ECI1: variants seen among roughly 807,000 people sequenced by gnomAD.
ECI1 encodes enoyl-CoA delta isomerase 1, mitochondrial.
A neutral mutation model predicts 34.2 loss-of-function variants in ECI1; 34 were observed. The observed-to-expected ratio is 1.00, with a 90% confidence interval of 0.76 to 1.33. The LOEUF (loss-of-function observed/expected upper bound fraction) is 1.33. Among genes scored for constraint, ECI1 ranks in the 40% most tolerant of loss-of-function variants. ECI1 has a pLI of 0.00. For missense variants in ECI1, 456 were observed against 422.2 expected (o/e 1.08, Z -0.70); for synonymous variants, 211 against 193.0 (o/e 1.09, Z -0.77).
At position 2,251,449 on chromosome 16, in the gene ECI1, G is replaced by T; in HGVS notation, c.53-20C>A. On this transcript the variant is annotated intron_variant, in intron 1 of 6. Coordinates refer to ENST00000301729, the MANE Select transcript of ECI1 (RefSeq NM_001919.4). ...GGGCCCCTGCGAAGGCAGCGTGGGG[G>T]AGCCCGTTAGTTCCCGGTCCTGGCC... 6.7e-7 allele frequency: 1 copy of T among 1,502,814 alleles called. No individual in the cohort carries two copies. The highest frequency in any genetic ancestry group is 8.9e-7 in the Non-Finnish European group (1 of 1,127,624). 93.1% of individuals were successfully genotyped at this position (1,502,814 alleles called of 1,614,324 possible).
At chr16:2,247,879 T>C (rs2093543933) in intron 2 of ECI1, among the ~76,000 whole-genome samples, 2 of 151,752 alleles carry the variant, frequency 1.3e-5, no homozygotes, top group South Asian at 4.2e-4. Context: ...GTTAATCTTT[T>C]TTATTTTTTA....
At chr16:2,248,809 C>A (rs373285600) in intron 2 of ECI1, among the ~76,000 whole-genome samples, 1 of 152,166 alleles carries the variant, frequency 6.6e-6, no homozygotes, top group Non-Finnish European at 1.5e-5. Context: ...GTTCCAGAAC[C>A]TTTTCATTGT....
At chr16:2,245,561 C>T (rs1040286198) in intron 3 of ECI1, among the ~76,000 whole-genome samples, 6 of 152,192 alleles carry the variant, frequency 3.9e-5, no homozygotes, top group African/African-American at 9.7e-5. Flanking sequence ...AAAACGCGTT[C>T]TACTTCCGTT....
rs1308929751 is a variant in ECI1, at chr16:2,243,045, C to T, written c.742+1G>A. ...GGCGCCCGCCATGCCCCGTGCCTCA[C>T]CTGGAATGGCCATCCACTGGGCTAT... On this transcript the variant is annotated splice_donor_variant, in intron 6 of 6. Coordinates refer to ENST00000301729, the MANE Select transcript of ECI1 (RefSeq NM_001919.4). LOFTEE classifies it high-confidence loss of function. The T allele has an allele frequency of 1.2e-6, 2 of 1,601,930 alleles. No individual in the cohort carries two copies. Among genetic ancestry groups the T allele is most frequent in the Non-Finnish European group, 8.5e-7 (1 of 1,179,306 alleles).
chr16:2,243,538 C>A, intron 4 of ECI1, 99 bp from the exon 5 acceptor site: 1 of 1,460,996 alleles, frequency 6.8e-7, no homozygotes, highest in Non-Finnish European at 9.4e-7. Flanking sequence ...CCTTGGCGCA[C>A]CCCGACCCCC....
In ECI1 at chr16:2,246,969, AT is replaced by A; in HGVS notation, c.183del (p.Lys61AsnfsTer7). On this transcript the variant is annotated frameshift_variant, in exon 3 of 7. Transcript: ENST00000301729. LOFTEE classifies it high-confidence loss of function. Reference protein sequence around the residue: ...PDAGAGVAVMKFKNPPVNSLS... With the variant: ...PDAGAGVAVMXFKNPPVNSLS... ...AGGCTGTTCACTGGGGGGTTCTTGA[AT>A]TTCATCACAGCGACCCCTAATTTAA... The A allele has an allele frequency of 6.2e-7, 1 of 1,613,530 alleles. No homozygotes were observed. Among genetic ancestry groups the A allele is most frequent in the Non-Finnish European group, 8.5e-7 (1 of 1,179,990 alleles).
chr16:2,243,262 G>A (rs2093532375), intron 5 of ECI1, 38 bp from the exon 6 acceptor site: 1 of 1,613,034 alleles, frequency 6.2e-7, no homozygotes, highest in Admixed American at 1.7e-5. Context: ...ATGGCCCCAG[G>A]CGGGTCTGTT....
At chr16:2,246,828 G>T (rs1269671202) in intron 3 of ECI1, 31 bp downstream of exon 3, 7 of 1,611,322 alleles carry the variant, frequency 4.3e-6, no homozygotes, top group Admixed American at 1.7e-5. Context: ...CAAGAACTCG[G>T]GCTGGGGTAG....
chr16:2,244,259 C>A (rs1289786623), intron 4 of ECI1, 147 bp downstream of exon 4: 2 of 974,070 alleles, frequency 2.1e-6, no homozygotes, highest in Admixed American at 2.1e-5. Flanking sequence ...CCGTGGTCTG[C>A]GATGGCGCTC....
intron 2 of ECI1, among the ~76,000 whole-genome samples, chr16:2,251,001 G>C (rs1207411156): frequency 1.3e-5 from 2 of 152,040 alleles, no homozygotes; most frequent in African/African-American, 4.8e-5. Flanking sequence ...GTATTTTTCA[G>C]TACAGATAGG....
At chr16:2,245,695 G>A (rs939891179) in intron 3 of ECI1, among the ~76,000 whole-genome samples, 49 of 152,056 alleles carry the variant, frequency 3.2e-4, no homozygotes, top group African/African-American at 9.9e-4. Context: ...GCAAGACCCC[G>A]CCTGTACAAA....
Position 2,244,548 on chromosome 16 carries a change from C to G in ECI1, c.299G>C (p.Arg100Pro), listed in dbSNP as rs145543160. 1 of 1,584,072 alleles carries G rather than the reference C, an allele frequency of 6.3e-7. No individual in the cohort carries two copies. The highest frequency in any genetic ancestry group is 8.6e-7 in the Non-Finnish European group (1 of 1,165,686). Residue 100 changes from arginine to proline, a missense_variant, in exon 4 of 7, where the codon CGC becomes CCC. By Grantham distance (103) the Arg-to-Pro change is moderately radical. Transcript: ENST00000301729. ...CAGGCCGGCCGAGAAGACACCCGGG[C>G]GGTCCTGCAGGGGGAGCCGGGGCCA... ...SFRGVILTSD[R>P]PGVFSAGLDL... is the part of the protein sequence containing the mutation.
chr16:2,239,632 C>A lies in ECI1; in HGVS notation c.*347G>T. 2.7e-6 allele frequency: 1 copy of A among 369,516 alleles called. No individual in the cohort carries two copies. The highest frequency in any genetic ancestry group is 5.2e-6 in the Non-Finnish European group (1 of 190,696). 22.9% of individuals were successfully genotyped at this position (369,516 alleles called of 1,614,324 possible). On this transcript the variant is annotated 3_prime_UTR_variant, in exon 7 of 7. Coordinates refer to ENST00000301729, the MANE Select transcript of ECI1 (RefSeq NM_001919.4). Reference sequence around the variant, plus strand: ...ACCTGGCCTTACACCTAAGAGCAGGCAGTCCAAAGGCCAGAATGGATGACC... The same window carrying A: ...ACCTGGCCTTACACCTAAGAGCAGGAAGTCCAAAGGCCAGAATGGATGACC...
chr16:2,250,261 CAAAAA>C (rs560687371), intron 2 of ECI1, among the ~76,000 whole-genome samples: 1,702 of 67,712 alleles, frequency 0.025, 33 homozygotes, highest in African/African-American at 0.093. Context: ...ACTACATCTC[CAAAAA>C]AAAAAAAAAA....
At chr16:2,246,428 T>C (rs2093540396) in intron 3 of ECI1, among the ~76,000 whole-genome samples, 1 of 152,120 alleles carries the variant, frequency 6.6e-6, no homozygotes, top group Admixed American at 6.5e-5. Context: ...CATAGATGCA[T>C]GGCTCTCCCT....
chr16:2,248,790 C>T (rs1437245265), intron 2 of ECI1, among the ~76,000 whole-genome samples: 1 of 152,278 alleles, frequency 6.6e-6, no homozygotes, highest in South Asian at 2.1e-4. Context: ...CAACTATCGC[C>T]GCTGCCTAGT....
At chr16:2,243,695 A>G (rs2093533671) in intron 4 of ECI1, among the ~76,000 whole-genome samples, 1 of 152,198 alleles carries the variant, frequency 6.6e-6, no homozygotes, top group South Asian at 2.1e-4. Flanking sequence ...CAACAGATAA[A>G]TCACTTTTAA....
intron 1 of ECI1, 31 bp downstream of exon 1, chr16:2,251,484 G>C: frequency 2.5e-5 from 39 of 1,551,766 alleles, no homozygotes; most frequent in Non-Finnish European, 3.4e-5. Context: ...CCCGGCCCCG[G>C]CCCGATCCCT....
intron 6 of ECI1, 72 bp from the exon 7 acceptor site, chr16:2,240,217 A>ATT (rs778634273): frequency 1.4e-4 from 186 of 1,356,898 alleles, no homozygotes; most frequent in Middle Eastern, 2.4e-4. Context: ...CTTATTTTTT[A>ATT]TTTTTATTTT....
Sources: allele counts gnomAD v4.1 joint callset (sites outside exome capture counted in the v4.1 genomes callset), GRCh38; gene constraint gnomAD v4.1.1; transcripts MANE v1.5; gene names NCBI Gene and HGNC (gene_info 2026-07-23, HGNC 2026-07-21).